MGST1: variants seen among roughly 807,000 people sequenced by gnomAD.
The protein encoded by MGST1 is glutathione S-transferase 12.
Under a neutral mutation model 8.9 loss-of-function variants are expected in MGST1, and 5 were observed. The ratio of observed to expected loss-of-function variants is 0.56; its 90% CI spans 0.29 to 1.19. The LOEUF (loss-of-function observed/expected upper bound fraction) is 1.19, where lower values mean the gene tolerates loss of function less well. MGST1 is among the 50% of genes most tolerant of loss of function. The probability of loss-of-function intolerance (pLI) is 0.08; values close to 1 mark genes in which losing one functional copy is unlikely to be tolerated. For missense variants in MGST1, 182 were observed against 187.4 expected, an observed-to-expected ratio of 0.97 and a Z score of 0.17; for synonymous variants, 54 against 67.8, an observed-to-expected ratio of 0.80 and a Z score of 1.00.
At chr12:16,368,947 C>G (rs757504613), downstream of MGST1, among the ~76,000 whole-genome samples, 2 of 152,092 alleles carry the variant, frequency 1.3e-5, no homozygotes, top group African/African-American at 2.4e-5. Context: ...TCCAAATAAT[C>G]CAAACTTTAA....
chr12:16,483,781 C>T (rs1366762557), intron 4 of MGST1, among the ~76,000 whole-genome samples: 1 of 152,124 alleles, frequency 6.6e-6, no homozygotes, highest in Non-Finnish European at 1.5e-5. Flanking sequence ...TAATACACTT[C>T]TTTCATAAAA....
At chr12:16,490,786 T>G (rs1040429440) in intron 4 of MGST1, among the ~76,000 whole-genome samples, 1 of 152,160 alleles carries the variant, frequency 6.6e-6, no homozygotes, top group Non-Finnish European at 1.5e-5. Flanking sequence ...CATGGTTAAT[T>G]AACTCCTCCA....
Position 16,434,442 on chromosome 12 carries a change from T to TTGTGTG in MGST1, n.779-2930_779-2925dup, listed in dbSNP as rs34340683. Among the ~76,000 whole-genome samples the TTGTGTG allele has an allele frequency of 6.6e-3, 985 of 150,290 alleles. 7 individuals carry two copies. Among genetic ancestry groups the TTGTGTG allele is most frequent in the African/African-American group, 0.018 (753 of 41,008 alleles). Reference sequence around the variant, plus strand: ...GTAATTCTCATTTATTTTATTTCAGTTGTGTGTGTGTGTGTGTGTGTTTCC... The same window carrying TTGTGTG: ...GTAATTCTCATTTATTTTATTTCAGTTGTGTGTGTGTGTGTGTGTGTGTGTGTTTCC... On this transcript the variant is annotated intron_variant and non_coding_transcript_variant, in intron 1 of 1. Coordinates refer to the MGST1 transcript ENST00000359720.
chr12:16,362,342 A>G lies in MGST1; in HGVS notation c.222-1453A>G, dbSNP rs1216988449. 6.7e-6 allele frequency among the ~76,000 whole-genome samples: 1 copy of G among 150,352 alleles called. No homozygotes were observed. Among genetic ancestry groups the G allele is most frequent in the Non-Finnish European group, 1.5e-5 (1 of 67,728 alleles). Reference sequence around the variant, plus strand: ...TGTATTGAAGCCTTTTCAAATCATTACTTAGCTGGGCTGCTGCTGTCCTCT... The same window carrying G: ...TGTATTGAAGCCTTTTCAAATCATTGCTTAGCTGGGCTGCTGCTGTCCTCT... On this transcript the variant is annotated intron_variant, in intron 3 of 3. Coordinates refer to ENST00000396210, the MANE Select transcript of MGST1 (RefSeq NM_020300.5). The surrounding 1 kb of genome is among the most constrained non-coding windows in gnomAD (Gnocchi z 4.4).
At chr12:16,475,788 C>A (rs939119860) in intron 4 of MGST1, among the ~76,000 whole-genome samples, 3 of 152,086 alleles carry the variant, frequency 2.0e-5, no homozygotes, top group African/African-American at 7.2e-5. Flanking sequence ...ACTCCCTTCC[C>A]AGGTGGCTGA....
At chr12:16,471,902 A>T (rs1024565887) in intron 4 of MGST1, among the ~76,000 whole-genome samples, 6 of 148,728 alleles carry the variant, frequency 4.0e-5, no homozygotes, top group Non-Finnish European at 9.0e-5. Flanking sequence ...CCAAGTGTAG[A>T]GCTCACATAC....
At chr12:16,573,400 A>G (rs1280089433) in intron 4 of MGST1, 1 of 152,194 alleles carries the variant, frequency 6.6e-6, no homozygotes, top group African/African-American at 2.4e-5. Flanking sequence ...CGGCCCTGAA[A>G]AGACAACTTA....
At chr12:16,408,213 A>G (rs1182584736) in intron 1 of MGST1, among the ~76,000 whole-genome samples, 1 of 151,964 alleles carries the variant, frequency 6.6e-6, no homozygotes, top group African/African-American at 2.4e-5. Context: ...TACTGGGGCT[A>G]CTTGAGGTTG....
At chr12:16,373,215 T>C (rs1217949824) in intron 3 of MGST1, among the ~76,000 whole-genome samples, 3 of 151,446 alleles carry the variant, frequency 2.0e-5, no homozygotes, top group African/African-American at 7.3e-5. Flanking sequence ...CTCACGGAGA[T>C]AGGGAGTAAA....
intron 4 of MGST1, among the ~76,000 whole-genome samples, chr12:16,561,451 T>C (rs1354459895): frequency 2.0e-5 from 3 of 152,188 alleles, no homozygotes; most frequent in Non-Finnish European, 4.4e-5. Context: ...GTTTTCTTTT[T>C]TCTCCAGTGT....
At position 16,410,009 on chromosome 12, in the gene MGST1, G is replaced by A. The variant is rs577465180; in HGVS notation, n.778+26405G>A. On this transcript the variant is annotated intron_variant and non_coding_transcript_variant, in intron 1 of 1. Coordinates refer to the MGST1 transcript ENST00000359720. The surrounding 1 kb of genome is among the most constrained non-coding windows in gnomAD (Gnocchi z 4.4). ...CCCTCCTCCCTCGTGAGTTCTCAGC[G>A]CCAAAGTAAATTTTCTTGTATCCTG... Among the ~76,000 whole-genome samples, 7 of 152,198 alleles carry A rather than the reference G, an allele frequency of 4.6e-5. No homozygotes were observed. The East Asian group carries it at 1.2e-3, about 25-fold the overall frequency.
chr12:16,520,385 T>C (rs1436713380), intron 4 of MGST1, among the ~76,000 whole-genome samples: 2 of 152,160 alleles, frequency 1.3e-5, no homozygotes, highest in Non-Finnish European at 2.9e-5. Context: ...GAAAGATTAG[T>C]ATAATAAATA....
rs112549999 is a variant in MGST1, at chr12:16,400,732, A to G, written n.778+17128A>G. 1,967 of 1,299,972 alleles carry G rather than the reference A, an allele frequency of 1.5e-3. 30 individuals are homozygous for G. The African/African-American group carries it at 0.026, about 17-fold the overall frequency. 80.5% of individuals were successfully genotyped at this position (1,299,972 alleles called of 1,614,324 possible). ...AAAAGTTGATTTGCAAGTAAGTATA[A>G]TCTCCTTCCACGGACATACTTATAT... On this transcript the variant is annotated intron_variant and non_coding_transcript_variant, in intron 1 of 1. Coordinates refer to the MGST1 transcript ENST00000359720.
At chr12:16,506,808 C>T (rs911266400) in intron 4 of MGST1, among the ~76,000 whole-genome samples, 14 of 152,182 alleles carry the variant, frequency 9.2e-5, no homozygotes, top group African/African-American at 3.1e-4. Context: ...AACACAATTT[C>T]AGCATGTTAT....
At chr12:16,371,616 A>G (rs562610912) in intron 3 of MGST1, among the ~76,000 whole-genome samples, 1 of 152,228 alleles carries the variant, frequency 6.6e-6, no homozygotes, top group East Asian at 1.9e-4. Context: ...AACTCCAATT[A>G]AGCAAAATGT....
At chr12:16,486,711 C>CTTA (rs1023339940) in intron 4 of MGST1, among the ~76,000 whole-genome samples, 11 of 152,288 alleles carry the variant, frequency 7.2e-5, no homozygotes, top group African/African-American at 2.6e-4. Flanking sequence ...GAGCCTAGTG[C>CTTA]TTAATACGAT....
intron 4 of MGST1, among the ~76,000 whole-genome samples, chr12:16,542,052 A>AG (rs1941796326): frequency 1.3e-5 from 2 of 152,180 alleles, no homozygotes; most frequent in Non-Finnish European, 2.9e-5. Flanking sequence ...TCTCTTGGTC[A>AG]TCTGTGCTTT....
exon 4 of MGST1, chr12:16,376,252 CT>C: frequency 1.6e-6 from 1 of 613,836 alleles, no homozygotes; most frequent in East Asian, 2.9e-5. Flanking sequence ...AAAAATTTAT[CT>C]TTTCAACATC....
At chr12:16,425,511 A>G (rs1297933626) in intron 1 of MGST1, among the ~76,000 whole-genome samples, 3 of 152,132 alleles carry the variant, frequency 2.0e-5, no homozygotes, top group Admixed American at 1.3e-4. Flanking sequence ...CTCAAACTCC[A>G]GAACTCAAAG....
Sources: gnomAD v4.1 joint callset for allele counts (sites outside exome capture counted in the v4.1 genomes callset) on GRCh38, gnomAD v4.1.1 for gene constraint, Gnocchi (gnomAD v3.1) non-coding constraint, MANE v1.5 for transcripts, NCBI Gene and HGNC (gene_info 2026-07-23, HGNC 2026-07-21) for gene names.